The following DEPDC5 variants were observed in gnomAD, a reference collection of about 807,000 sequenced individuals.
The protein encoded by DEPDC5 is GATOR1 complex protein DEPDC5.
In DEPDC5, 73 loss-of-function variants were observed where a neutral mutation model predicts 217.3. That is an observed-to-expected ratio of 0.34 (90% CI 0.28 to 0.41). The LOEUF (loss-of-function observed/expected upper bound fraction) is 0.41, where lower values mean the gene tolerates loss of function less well. Ranked by LOEUF, DEPDC5 falls within the 10% of genes least tolerant of loss-of-function variation. The pLI, the probability that DEPDC5 is intolerant of heterozygous loss-of-function variation, is 1.00. For synonymous variants in DEPDC5, 733 were observed against 756.7 expected, an observed-to-expected ratio of 0.97 and a Z score of 0.51; for missense variants, 1,675 against 2,070.1, an observed-to-expected ratio of 0.81 and a Z score of 3.70.
intron 37 of DEPDC5, among the ~76,000 whole-genome samples, chr22:31,876,722 T>C (rs1204711046): frequency 6.6e-6 from 1 of 152,236 alleles, no homozygotes; most frequent in Non-Finnish European, 1.5e-5. Context: ...GTTTTCCAAG[T>C]AATATTTTAA....
chr22:31,812,416 A>ATTTC (rs2088490266), intron 20 of DEPDC5, among the ~76,000 whole-genome samples: 2 of 117,870 alleles, frequency 1.7e-5, no homozygotes, highest in African/African-American at 6.4e-5. Context: ...AATTTTCCAT[A>ATTTC]TTTCTTTTTT....
chr22:31,870,652 C>G lies in DEPDC5; in HGVS notation c.3393C>G (p.Gly1131=). The change falls in exon 34 of 43, where the codon GGC becomes GGG. Residue 1131 remains glycine, a synonymous_variant. Transcript: ENST00000651528. ...GCACCAGTTTGGGCATATGCACAGGCCAATCCATGGACAGAGGCAACAGCC... is the reference window on the plus strand; with the variant it reads ...GCACCAGTTTGGGCATATGCACAGGGCAATCCATGGACAGAGGCAACAGCC... The part of the protein sequence containing the change: ...LDGTSLGICT[G]QSMDRGNSQT... 1.2e-6 allele frequency: 2 copies of G among 1,606,424 alleles called. No individual in the cohort carries two copies. The highest frequency in any genetic ancestry group is 1.1e-5 in the South Asian group (1 of 89,482).
At chr22:31,830,573 A>G (rs914926785) in intron 24 of DEPDC5, among the ~76,000 whole-genome samples, 3 of 152,034 alleles carry the variant, frequency 2.0e-5, no homozygotes, top group Non-Finnish European at 4.4e-5. Context: ...TTTGCTTAAA[A>G]GCATAATAGC....
chr22:31,766,469 CT>C, intron 5 of DEPDC5, 115 bp from the exon 6 acceptor site: 1 of 932,192 alleles, frequency 1.1e-6, no homozygotes, highest in Non-Finnish European at 1.7e-6. Context: ...ACTGAATGGT[CT>C]TCCAGTAGTT....
chr22:31,805,384 A>C (rs939031276), intron 17 of DEPDC5, among the ~76,000 whole-genome samples: 2 of 152,090 alleles, frequency 1.3e-5, no homozygotes, highest in African/African-American at 2.4e-5. Context: ...TTTTCTTCCA[A>C]GATCCAACTC....
At position 31,845,200 on chromosome 22, in the gene DEPDC5, G is replaced by A. The variant is rs527479125; in HGVS notation, c.2984G>A (p.Arg995His). 2.5e-6 allele frequency: 4 copies of A among 1,614,178 alleles called. No homozygotes were observed. In the South Asian group the frequency reaches 3.3e-5, roughly 13 times the overall value. The change falls in exon 30 of 43, where the codon CGC becomes CAC. Residue 995 changes from arginine to histidine, a missense_variant. By Grantham distance (29) the Arg-to-His change is conservative (BLOSUM62 0). Around this residue, in one of 11 missense-constraint regions of DEPDC5, gnomAD observed 293 missense variants for 386.1 expected, o/e 0.76. Coordinates refer to ENST00000651528, the MANE Select transcript of DEPDC5 (RefSeq NM_001242896.3). Reference protein sequence around the residue: ...GFVRFVEGLNRIRRRHRSDRM... With the variant: ...GFVRFVEGLNHIRRRHRSDRM... Reference sequence around the variant, plus strand: ...GTCCGCTTTGTGGAGGGCTTGAATCGCATTCGCAGGCGGCATCGCTCGGAT... The same window carrying A: ...GTCCGCTTTGTGGAGGGCTTGAATCACATTCGCAGGCGGCATCGCTCGGAT...
In DEPDC5 at chr22:31,802,764, T is replaced by C. The variant is rs868827284; in HGVS notation, c.1007T>C (p.Ile336Thr). ...FDRTGQMSVV[I>T]TPGVGVFEVD... ...CGAACTGGGCAGATGTCAGTGGTGA[T>C]CACGCCCGGGGTGGGTGTCTTTGAA... is the stretch of plus-strand genomic sequence containing the variant. Residue 336 changes from isoleucine (I) to threonine (T), a missense_variant, in exon 15 of 43, where the codon ATC becomes ACC. Coordinates refer to ENST00000651528, the MANE Select transcript of DEPDC5 (RefSeq NM_001242896.3). 1 of 1,606,514 alleles carries C rather than the reference T, an allele frequency of 6.2e-7. No homozygotes were observed. The highest frequency in any genetic ancestry group is 8.5e-7 in the Non-Finnish European group (1 of 1,176,876).
In DEPDC5 at chr22:31,798,726, T is replaced by C. The variant is rs2086538243; in HGVS notation, c.946+70T>C. 7.5e-6 allele frequency: 11 copies of C among 1,471,452 alleles called. No homozygotes were observed. In the South Asian group the frequency reaches 1.2e-4, roughly 15 times the overall value. 91.1% of individuals were successfully genotyped at this position (1,471,452 alleles called of 1,614,324 possible). Reference sequence around the variant, plus strand: ...TGGCTATGTTACCGGAAAGGTGTCCTGATCCAGACCCTAAGAGAAGGTTCT... The same window carrying C: ...TGGCTATGTTACCGGAAAGGTGTCCCGATCCAGACCCTAAGAGAAGGTTCT... On this transcript the variant is annotated intron_variant, in intron 14 of 42. Transcript: ENST00000651528.
At chr22:31,879,837 C>T in intron 38 of DEPDC5, 85 bp downstream of exon 38, 2 of 1,317,394 alleles carry the variant, frequency 1.5e-6, no homozygotes, top group Non-Finnish European at 2.1e-6. Flanking sequence ...AACGATGCCA[C>T]ATGAACCAGG....
intron 14 of DEPDC5, among the ~76,000 whole-genome samples, chr22:31,799,412 A>T (rs2086615848): frequency 6.6e-6 from 1 of 150,612 alleles, no homozygotes; most frequent in Non-Finnish European, 1.5e-5. Context: ...TTACATAGAT[A>T]TACGTGTGCC....
At chr22:31,861,534 G>A (rs1244590721) in intron 33 of DEPDC5, 101 bp downstream of exon 33, 1 of 1,246,692 alleles carries the variant, frequency 8.0e-7, no homozygotes, top group Non-Finnish European at 1.1e-6. Context: ...CTGCAACTAA[G>A]TTTGGGGGGC....
chr22:31,845,090 C>T lies in DEPDC5; in HGVS notation c.2874C>T (p.Arg958=). 1 of 1,614,214 alleles carries T rather than the reference C, an allele frequency of 6.2e-7. No homozygotes were observed. The highest frequency in any genetic ancestry group is 1.1e-5 in the South Asian group (1 of 91,080). Residue 958 remains arginine (R), a synonymous_variant, in exon 30 of 43, where the codon CGC becomes CGT. Transcript: ENST00000651528. ...CAGCCTGTGTCACCGCCACCAAGCGCATCACGGAGGGGGAGGCCCACTGCG... is the reference window on the plus strand; with the variant it reads ...CAGCCTGTGTCACCGCCACCAAGCGTATCACGGAGGGGGAGGCCCACTGCG... ...LLPACVTATK[R]ITEGEAHCDI... is the part of the protein sequence containing the mutation.
intron 10 of DEPDC5, among the ~76,000 whole-genome samples, chr22:31,788,653 A>G (rs2148464273): frequency 6.8e-6 from 1 of 147,024 alleles, no homozygotes; most frequent in South Asian, 2.2e-4. Context: ...GGCCCACTGC[A>G]ACCTCTGCCT....
At chr22:31,757,540 T>C (rs2082036251) in intron 2 of DEPDC5, 1 of 152,178 alleles carries the variant, frequency 6.6e-6, no homozygotes, top group Middle Eastern at 3.2e-3. Flanking sequence ...AATGTTTCAT[T>C]TTACTAGGCT....
intron 31 of DEPDC5, among the ~76,000 whole-genome samples, chr22:31,849,135 T>A (rs2091896212): frequency 6.6e-6 from 1 of 152,122 alleles, no homozygotes. Flanking sequence ...ACTGGGAAGT[T>A]CCAAACTTTC....
intron 25 of DEPDC5, among the ~76,000 whole-genome samples, chr22:31,836,677 G>A (rs549053520): frequency 7.2e-5 from 11 of 152,254 alleles, no homozygotes; most frequent in Middle Eastern, 3.4e-3. Flanking sequence ...CTGCCCTGCC[G>A]TAATCTCACC....
intron 5 of DEPDC5, among the ~76,000 whole-genome samples, chr22:31,766,125 C>G (rs534195611): frequency 6.6e-6 from 1 of 152,324 alleles, no homozygotes; most frequent in South Asian, 2.1e-4. Flanking sequence ...TTTCTTGAAG[C>G]TTGTCCTAAC....
Position 31,843,674 on chromosome 22 carries a change from A to T in DEPDC5, c.2663A>T (p.Tyr888Phe), listed in dbSNP as rs903423966. ...CCTTATGAATCTGCCCAGATCCACT[A>T]CACCTACAGCCTCTGTCCTTCCCAC... ...KYPYESAQIH[Y>F]TYSLCPSHSD... is the part of the protein sequence containing the mutation. Residue 888 changes from tyrosine (Y) to phenylalanine (F), a missense_variant, in exon 29 of 43, where the codon TAC becomes TTC. Tyr to Phe is a conservative substitution (Grantham distance 22, BLOSUM62 3). Around this residue, in one of 11 missense-constraint regions of DEPDC5, gnomAD observed 293 missense variants for 386.1 expected, o/e 0.76. Transcript: ENST00000651528. The T allele has an allele frequency of 6.2e-7, 1 of 1,610,468 alleles. No individual in the cohort carries two copies. Among genetic ancestry groups the T allele is most frequent in the Non-Finnish European group, 8.5e-7 (1 of 1,177,240 alleles).
intron 41 of DEPDC5, among the ~76,000 whole-genome samples, 184 bp from the exon 42 acceptor site, chr22:31,905,800 A>G (rs905375557): frequency 1.3e-5 from 2 of 151,878 alleles, no homozygotes; most frequent in African/African-American, 4.8e-5. Context: ...GTGTTGGAAG[A>G]GGTAGAGGTC....
Sources: gnomAD v4.1 joint callset for allele counts (sites outside exome capture counted in the v4.1 genomes callset) on GRCh38, gnomAD v4.1.1 for gene constraint, gnomAD v4.1.1 regional missense constraint, MANE v1.5 for transcripts, NCBI Gene and HGNC (gene_info 2026-07-23, HGNC 2026-07-21) for gene names.